The following LINGO2 variants were observed in gnomAD, a reference collection of about 807,000 sequenced individuals.
LINGO2 encodes the protein leucine rich repeat and Ig domain containing 2.
A neutral mutation model predicts 30.6 loss-of-function variants in LINGO2; 14 were observed. The ratio of observed to expected loss-of-function variants is 0.46; its 90% CI spans 0.30 to 0.72. LINGO2 has a LOEUF of 0.72. Ranked by LOEUF, LINGO2 falls within the 30% of genes least tolerant of loss-of-function variation. LINGO2 has a pLI of 0.07. For missense variants in LINGO2, 729 were observed against 751.7 expected (o/e 0.97, Z 0.35); for synonymous variants, 317 against 288.5 (o/e 1.10, Z -1.00).
the LINGO2 span, among the ~76,000 whole-genome samples, chr9:28,822,998 C>T: frequency 6.6e-6 from 1 of 152,232 alleles, no homozygotes; most frequent in Admixed American, 6.5e-5. Context: ...AAACCTGTTA[C>T]TATATTAACA....
intron 3 of LINGO2, among the ~76,000 whole-genome samples, chr9:28,318,284 T>C (rs1377998905): frequency 6.6e-6 from 1 of 152,208 alleles, no homozygotes; most frequent in Non-Finnish European, 1.5e-5. Context: ...AAATTAGCAC[T>C]TGAAAAAGTT....
At chr9:27,962,490 A>G (rs919003339) in intron 5 of LINGO2, among the ~76,000 whole-genome samples, 1 of 152,152 alleles carries the variant, frequency 6.6e-6, no homozygotes, top group Non-Finnish European at 1.5e-5. Context: ...AGAAGGGTGG[A>G]TAAGCACCCC....
At chr9:29,182,885 C>T in the LINGO2 span, among the ~76,000 whole-genome samples, 1 of 151,938 alleles carries the variant, frequency 6.6e-6, no homozygotes, top group African/African-American at 2.4e-5. Flanking sequence ...AAAAATCCAC[C>T]AAAATTAGCA....
chr9:27,973,718 C>G (rs1037484715), intron 5 of LINGO2, among the ~76,000 whole-genome samples: 1 of 152,142 alleles, frequency 6.6e-6, no homozygotes, highest in Admixed American at 6.5e-5. Context: ...AGTACCTGGG[C>G]GTCCTTGAAG....
At chr9:28,673,139 G>C (rs1178484893), upstream of LINGO2, among the ~76,000 whole-genome samples, 1 of 152,072 alleles carries the variant, frequency 6.6e-6, no homozygotes, top group African/African-American at 2.4e-5. Flanking sequence ...TTTCTAAGTA[G>C]AAATTCCTTC....
chr9:28,650,119 G>T (rs1255306185), intron 1 of LINGO2, among the ~76,000 whole-genome samples: 1 of 151,570 alleles, frequency 6.6e-6, no homozygotes, highest in Non-Finnish European at 1.5e-5. Context: ...GCAAATAAAA[G>T]GAATATTACT....
the LINGO2 span, among the ~76,000 whole-genome samples, chr9:28,782,456 G>T: frequency 1.3e-5 from 2 of 152,082 alleles, no homozygotes; most frequent in African/African-American, 4.8e-5. Context: ...TAGTCCCAGA[G>T]GAATAGCATG....
At chr9:29,209,332 C>T in the LINGO2 span, among the ~76,000 whole-genome samples, 3 of 152,048 alleles carry the variant, frequency 2.0e-5, no homozygotes, top group Non-Finnish European at 4.4e-5. Context: ...TCCCTAAAGA[C>T]CCAAACCCAC....
intron 4 of LINGO2, among the ~76,000 whole-genome samples, chr9:28,103,449 T>A (rs1470676859): frequency 1.3e-5 from 2 of 152,136 alleles, no homozygotes; most frequent in Non-Finnish European, 2.9e-5. Context: ...TGTCTGTTTC[T>A]ATGTACTGTC....
In LINGO2 at chr9:28,372,065, T is replaced by A. The variant is rs139523307; in HGVS notation, c.-246+771A>T. On this transcript the variant is annotated intron_variant, in intron 3 of 5. Transcript: ENST00000379992. ...GGATTCATTGATAAAAATATATGAA[T>A]AGTAGATGGATGGAATGATGGATAG... Among the ~76,000 whole-genome samples, 843 of 152,126 alleles carry A rather than the reference T, an allele frequency of 5.5e-3. 4 individuals are homozygous for A. The highest frequency in any genetic ancestry group is 0.012 in the East Asian group (64 of 5,160).
the LINGO2 span, among the ~76,000 whole-genome samples, chr9:29,061,160 C>T: frequency 3.9e-4 from 60 of 151,902 alleles, no homozygotes; most frequent in African/African-American, 1.3e-3. Context: ...CTGAATACTG[C>T]TCAACAATAG....
At chr9:28,618,994 A>G (rs979637561) in intron 1 of LINGO2, among the ~76,000 whole-genome samples, 3 of 152,206 alleles carry the variant, frequency 2.0e-5, no homozygotes, top group Non-Finnish European at 4.4e-5. Flanking sequence ...GGGGCAAAAT[A>G]AGACTTCGTA....
At chr9:29,072,187 C>T in the LINGO2 span, among the ~76,000 whole-genome samples, 17 of 152,008 alleles carry the variant, frequency 1.1e-4, no homozygotes, top group Non-Finnish European at 2.1e-4. Flanking sequence ...ATGAGGGCTA[C>T]ATAAGTTAAT....
chr9:28,683,260 C>G, the LINGO2 span, among the ~76,000 whole-genome samples: 1 of 152,050 alleles, frequency 6.6e-6, no homozygotes. Context: ...TCTCTTGGTT[C>G]CAGACAATCA....
the LINGO2 span, among the ~76,000 whole-genome samples, chr9:28,740,855 A>G: frequency 1.3e-5 from 2 of 152,072 alleles, no homozygotes; most frequent in African/African-American, 2.4e-5. Flanking sequence ...AACCATGGTC[A>G]CCATGTGTAC....
the LINGO2 span, among the ~76,000 whole-genome samples, chr9:28,913,556 A>G: frequency 6.6e-6 from 1 of 152,120 alleles, no homozygotes; most frequent in Non-Finnish European, 1.5e-5. Flanking sequence ...AAAATCTCCA[A>G]TGTATAGATA....
intron 1 of LINGO2, among the ~76,000 whole-genome samples, chr9:28,659,974 TA>T (rs1318644074): frequency 6.6e-6 from 1 of 152,094 alleles, no homozygotes; most frequent in Non-Finnish European, 1.5e-5. Context: ...AGGAAGTAAA[TA>T]ATCCTGGAAG....
intron 1 of LINGO2, among the ~76,000 whole-genome samples, chr9:28,637,575 T>C (rs1162280947): frequency 6.6e-6 from 1 of 152,184 alleles, no homozygotes; most frequent in African/African-American, 2.4e-5. Context: ...TTTATTCTCT[T>C]TGAAGCAATT....
At chr9:29,068,258 G>A in the LINGO2 span, among the ~76,000 whole-genome samples, 1 of 151,696 alleles carries the variant, frequency 6.6e-6, no homozygotes, top group Non-Finnish European at 1.5e-5. Flanking sequence ...GAGGTACAGA[G>A]ATATATCAGT....
Sources: allele counts gnomAD v4.1 joint callset (sites outside exome capture counted in the v4.1 genomes callset), GRCh38; gene constraint gnomAD v4.1.1; transcripts MANE v1.5; gene names NCBI Gene and HGNC (gene_info 2026-07-23, HGNC 2026-07-21).